ABCA9: variants seen among roughly 807,000 people sequenced by gnomAD.
ABCA9 encodes the protein ATP-binding cassette sub-family A member 9.
Under a neutral mutation model 205.3 loss-of-function variants are expected in ABCA9, and 183 were observed. That is an observed-to-expected ratio of 0.89 (90% CI 0.79 to 1.01). The LOEUF (loss-of-function observed/expected upper bound fraction) is 1.01, where lower values mean the gene tolerates loss of function less well. Among genes scored for constraint, ABCA9 ranks in the 50% least tolerant of loss-of-function variants. The pLI is 0.00. For missense variants in ABCA9, 1,805 were observed against 1,912.4 expected, an observed-to-expected ratio of 0.94 and a Z score of 1.05; for synonymous variants, 651 against 683.3, an observed-to-expected ratio of 0.95 and a Z score of 0.74.
At position 69,002,471 on chromosome 17, in the gene ABCA9, G is replaced by A. The variant is rs1598354339; in HGVS notation, c.3435+5288C>T. 5.0e-5 allele frequency among the ~76,000 whole-genome samples: 7 copies of A among 141,260 alleles called. No individual in the cohort carries two copies. In the East Asian group the frequency reaches 1.5e-3, roughly 29 times the overall value. 92.7% of individuals were successfully genotyped at this position (141,260 alleles called of 152,430 possible). ...TCCTGAGTTCTAGTTTGATTGCACTGTGGTCTGAGAGATAGTTTGTTATAA... is the reference window on the plus strand; with the variant it reads ...TCCTGAGTTCTAGTTTGATTGCACTATGGTCTGAGAGATAGTTTGTTATAA... On this transcript the variant is annotated intron_variant, in intron 25 of 38. Transcript: ENST00000340001.
intron 22 of ABCA9, among the ~76,000 whole-genome samples, chr17:69,014,379 A>AGACTT (rs1295029452): frequency 2.0e-5 from 3 of 152,204 alleles, no homozygotes; most frequent in Non-Finnish European, 4.4e-5. Flanking sequence ...TTTCATGTTT[A>AGACTT]GACTTGGGTC....
intron 25 of ABCA9, among the ~76,000 whole-genome samples, chr17:68,998,131 C>G (rs1322803608): frequency 2.0e-5 from 3 of 152,144 alleles, no homozygotes; most frequent in Non-Finnish European, 2.9e-5. Flanking sequence ...TTCTGTTTAC[C>G]CAAAATAATA....
At chr17:69,031,077 C>A (rs1228798350) in intron 10 of ABCA9, among the ~76,000 whole-genome samples, 5 of 152,124 alleles carry the variant, frequency 3.3e-5, no homozygotes. Flanking sequence ...CTATGTGAGA[C>A]CCTGCTTCCA....
chr17:69,048,389 A>G (rs571835875), intron 3 of ABCA9, among the ~76,000 whole-genome samples: 3 of 151,518 alleles, frequency 2.0e-5, no homozygotes, highest in African/African-American at 7.3e-5. Flanking sequence ...ACGGTTAGTT[A>G]TATTTTTCAT....
chr17:69,031,081 G>A (rs558099004), intron 10 of ABCA9, among the ~76,000 whole-genome samples: 3 of 152,186 alleles, frequency 2.0e-5, no homozygotes, highest in African/African-American at 7.2e-5. Flanking sequence ...GTGAGACCCT[G>A]CTTCCAATCT....
rs2069341409 is a variant in ABCA9 at position 68,988,938 on chromosome 17, T to A, written c.4047+89A>T. Reference sequence around the variant, plus strand: ...TATTCAATGCATAAATCACACTAAGTGATTATGGATCAACTACATAGTCTA... The same window carrying A: ...TATTCAATGCATAAATCACACTAAGAGATTATGGATCAACTACATAGTCTA... On this transcript the variant is annotated intron_variant, in intron 31 of 38. Transcript: ENST00000340001. The A allele has an allele frequency of 1.7e-5, 13 of 770,584 alleles. 1 individual carries two copies. In the East Asian group the frequency reaches 3.2e-4, roughly 19 times the overall value. The allele number at this position is 770,584 out of a possible 1,614,324, so 47.7% of individuals were successfully genotyped here. A position where few individuals can be genotyped will look rare whatever the true frequency, so the allele number is the denominator to read the frequency against.
intron 4 of ABCA9, 102 bp from the exon 5 acceptor site, chr17:69,044,702 T>C (rs1405236275): frequency 1.0e-5 from 10 of 964,760 alleles, no homozygotes; most frequent in Non-Finnish European, 1.5e-5. Flanking sequence ...CATGATAATA[T>C]AGTGGATGGT....
the ABCA9 span, among the ~76,000 whole-genome samples, chr17:69,066,651 T>C: frequency 1.3e-5 from 2 of 151,350 alleles, no homozygotes; most frequent in Non-Finnish European, 2.9e-5. Flanking sequence ...GAAGTGCCAG[T>C]GAAAGCTGAG....
Position 68,983,827 on chromosome 17 carries a change from G to A in ABCA9, c.4522C>T (p.Leu1508=). 6.2e-7 allele frequency: 1 copy of A among 1,614,134 alleles called. No individual in the cohort carries two copies. The highest frequency in any genetic ancestry group is 8.5e-7 in the Non-Finnish European group (1 of 1,180,026). ...TAGTCTTTGCCAAATTTGCTTTTCA[G>A]GTGTTGGATGGAACCAATACATCTG... ...RLRCIGSIQH[L]KSKFGKDYLL... Residue 1508 remains leucine, a synonymous_variant, in exon 36 of 39, where the codon CTG becomes TTG. Transcript: ENST00000340001.
In ABCA9 at chr17:68,987,153, T is replaced by C. The variant is rs749075063; in HGVS notation, c.4048-829A>G. 1.2e-4 allele frequency among the ~76,000 whole-genome samples: 18 copies of C among 152,332 alleles called. No individual in the cohort carries two copies. In the South Asian group the frequency reaches 2.3e-3, roughly 19 times the overall value. ...TATGTGTTAGGTGTTTGTTTTATCA[T>C]TGATGTTTTACATACAGAAAATTAT... On this transcript the variant is annotated intron_variant, in intron 31 of 38. Coordinates refer to ENST00000340001, the MANE Select transcript of ABCA9 (RefSeq NM_080283.4).
Position 69,059,856 on chromosome 17 carries a change from A to T in ABCA9, c.-14+1010T>A, listed in dbSNP as rs1465496662. Among the ~76,000 whole-genome samples the T allele has an allele frequency of 2.0e-5, 3 of 152,152 alleles. No individual in the cohort carries two copies. The East Asian group carries it at 5.8e-4, about 29-fold the overall frequency. On this transcript the variant is annotated intron_variant, in intron 1 of 38. Coordinates refer to ENST00000340001, the MANE Select transcript of ABCA9 (RefSeq NM_080283.4). Reference sequence around the variant, plus strand: ...TTTAAAAACTGTCCAGAAGTGACCAAAGAAATTCACCAGTGATGCAGATGA... The same window carrying T: ...TTTAAAAACTGTCCAGAAGTGACCATAGAAATTCACCAGTGATGCAGATGA...
rs562734712 is a variant in ABCA9, at chr17:69,003,740, C to G, written c.3435+4019G>C. Among the ~76,000 whole-genome samples, 309 of 151,978 alleles carry G rather than the reference C, an allele frequency of 2.0e-3. 2 individuals carry two copies. Among genetic ancestry groups the G allele is most frequent in the African/African-American group, 7.3e-3 (303 of 41,448 alleles). ...TCCAACTTGGTTCCATTCTCCCCATCACTTTCAGGTACACCAATCAGACGT... is the reference window on the plus strand; with the variant it reads ...TCCAACTTGGTTCCATTCTCCCCATGACTTTCAGGTACACCAATCAGACGT... On this transcript the variant is annotated intron_variant, in intron 25 of 38. Transcript: ENST00000340001.
At chr17:69,022,520 A>ATGTGTGTGTGTGTGTGTATG (rs2070851843) in intron 17 of ABCA9, 30 of 140,970 alleles carry the variant, frequency 2.1e-4, no homozygotes, top group African/African-American at 6.7e-4. Flanking sequence ...GTGTGTGTGT[A>ATGTGTGTGTGTGTGTGTATG]TGTGTGTGTG....
At chr17:69,017,925 A>T (rs1022271238) in intron 20 of ABCA9, 136 bp from the exon 21 acceptor site, 1 of 929,028 alleles carries the variant, frequency 1.1e-6, no homozygotes, top group Non-Finnish European at 1.6e-6. Context: ...AGCAGAATTG[A>T]TGTTCTGGTA....
chr17:69,030,786 T>C (rs2071126885), intron 10 of ABCA9, among the ~76,000 whole-genome samples: 1 of 152,240 alleles, frequency 6.6e-6, no homozygotes, highest in Admixed American at 6.5e-5. Flanking sequence ...TATGTTTTGA[T>C]AGCATTTAAC....
At chr17:68,997,120 G>A (rs777180896) in intron 25 of ABCA9, among the ~76,000 whole-genome samples, 33 of 152,254 alleles carry the variant, frequency 2.2e-4, no homozygotes, top group Non-Finnish European at 3.7e-4. Context: ...TAGTAAAGAC[G>A]GGGTTTCACC....
At position 69,027,091 on chromosome 17, in the gene ABCA9, A is replaced by G. The variant is rs758568313; in HGVS notation, c.1935T>C (p.Thr645=). ...GCCTTGAAAGAGGATCCAATCCAGC[A>G]GTCGGTTCATCCAATAGCAAAACCT... is the stretch of plus-strand genomic sequence containing the variant. ...DPQVLLLDEP[T]AGLDPLSRHR... The change falls in exon 15 of 39, where the codon ACT becomes ACC. Residue 645 remains threonine, a synonymous_variant. Coordinates refer to ENST00000340001, the MANE Select transcript of ABCA9 (RefSeq NM_080283.4). 6.2e-7 allele frequency: 1 copy of G among 1,614,158 alleles called. No homozygotes were observed. The highest frequency in any genetic ancestry group is 1.7e-5 in the Admixed American group (1 of 60,014).
intron 1 of ABCA9, among the ~76,000 whole-genome samples, chr17:69,054,347 C>A (rs1021847546): frequency 6.6e-6 from 1 of 151,920 alleles, no homozygotes; most frequent in South Asian, 2.1e-4. Context: ...CATAGGGAGA[C>A]CCTGTCTCTA....
intron 32 of ABCA9, among the ~76,000 whole-genome samples, chr17:68,985,428 C>T (rs2069198935): frequency 6.6e-6 from 1 of 152,008 alleles, no homozygotes; most frequent in Non-Finnish European, 1.5e-5. Context: ...TTGAGACCAT[C>T]CTGGCCAACA....
Sources: allele counts gnomAD v4.1 joint callset (sites outside exome capture counted in the v4.1 genomes callset), GRCh38; gene constraint gnomAD v4.1.1; transcripts MANE v1.5; gene names NCBI Gene and HGNC (gene_info 2026-07-23, HGNC 2026-07-21).